RASAL2: variants seen among roughly 807,000 people sequenced by gnomAD.
The protein encoded by RASAL2 is ras GTPase-activating protein nGAP.
RASAL2 carries 58 observed loss-of-function variants against 128.9 expected under a neutral mutation model. The ratio of observed to expected loss-of-function variants is 0.45; its 90% CI spans 0.36 to 0.56. The LOEUF is 0.56. RASAL2 is among the 20% of genes least tolerant of loss of function. The pLI, the probability that RASAL2 is intolerant of heterozygous loss-of-function variation, is 0.00. For missense variants in RASAL2, 1,360 were observed against 1,601.6 expected, an observed-to-expected ratio of 0.85 and a Z score of 2.57; for synonymous variants, 561 against 580.8, an observed-to-expected ratio of 0.97 and a Z score of 0.49.
Position 178,339,459 on chromosome 1 carries a change from G to A in RASAL2, c.457+39341G>A, listed in dbSNP as rs193269944. ...GTTCTCCAAGAAGCTGGAGAAGCACGAGTAAATGCTTCACTATTTAGCCAT... is the reference window on the plus strand; with the variant it reads ...GTTCTCCAAGAAGCTGGAGAAGCACAAGTAAATGCTTCACTATTTAGCCAT... On this transcript the variant is annotated intron_variant, in intron 3 of 17. Transcript: ENST00000367649. Among the ~76,000 whole-genome samples the A allele has an allele frequency of 1.8e-4, 28 of 152,268 alleles. No homozygotes were observed. In the East Asian group the frequency reaches 5.0e-3, roughly 27 times the overall value.
At chr1:178,346,950 C>T (rs1326768172) in intron 3 of RASAL2, among the ~76,000 whole-genome samples, 1 of 151,906 alleles carries the variant, frequency 6.6e-6, no homozygotes, top group African/African-American at 2.4e-5. Flanking sequence ...GTCCCCAGTG[C>T]CTCAGTAGAA....
intron 4 of RASAL2, among the ~76,000 whole-genome samples, chr1:178,420,285 G>T (rs979368292): frequency 3.9e-5 from 6 of 152,034 alleles, no homozygotes; most frequent in Non-Finnish European, 5.9e-5. Context: ...AATAAATTAG[G>T]TGCTACTAGA....
intron 3 of RASAL2, among the ~76,000 whole-genome samples, chr1:178,386,535 C>T (rs1173201162): frequency 6.6e-6 from 1 of 152,152 alleles, no homozygotes; most frequent in African/African-American, 2.4e-5. Flanking sequence ...ATCACATCAT[C>T]TGAGGTCATA....
At chr1:178,202,901 A>C (rs995964512) in intron 1 of RASAL2, among the ~76,000 whole-genome samples, 1 of 152,184 alleles carries the variant, frequency 6.6e-6, no homozygotes, top group Non-Finnish European at 1.5e-5. Context: ...GAGGTTATGC[A>C]TGGGCTCAGC....
chr1:178,103,365 G>C (rs1658975934), intron 1 of RASAL2, among the ~76,000 whole-genome samples: 1 of 152,012 alleles, frequency 6.6e-6, no homozygotes, highest in South Asian at 2.1e-4. Flanking sequence ...AAGCCATTTT[G>C]CTTGTGTATG....
intron 1 of RASAL2, among the ~76,000 whole-genome samples, chr1:178,098,276 A>G (rs886247343): frequency 6.6e-6 from 1 of 152,202 alleles, no homozygotes; most frequent in Non-Finnish European, 1.5e-5. Context: ...CCAGATCTCA[A>G]CCTGACTGAC....
At chr1:178,197,614 A>AGG (rs1662705625) in intron 1 of RASAL2, among the ~76,000 whole-genome samples, 1 of 136,462 alleles carries the variant, frequency 7.3e-6, no homozygotes, top group African/African-American at 3.0e-5. Flanking sequence ...ATCTGGGGAA[A>AGG]AAAAAAAAAA....
chr1:178,393,573 G>A (rs1172368385), intron 4 of RASAL2, among the ~76,000 whole-genome samples: 2 of 152,186 alleles, frequency 1.3e-5, no homozygotes, highest in Non-Finnish European at 2.9e-5. Context: ...CTGCTGTGCC[G>A]CCCAGTTCCT....
chr1:178,176,952 A>G (rs1244332856), intron 1 of RASAL2, among the ~76,000 whole-genome samples: 2 of 152,136 alleles, frequency 1.3e-5, no homozygotes, highest in Non-Finnish European at 2.9e-5. Flanking sequence ...CCTGGCTATC[A>G]GGTGCAATTT....
chr1:178,358,854 A>G (rs1427733745), intron 3 of RASAL2, among the ~76,000 whole-genome samples: 2 of 152,192 alleles, frequency 1.3e-5, no homozygotes, highest in Non-Finnish European at 2.9e-5. Context: ...TGACACCAAT[A>G]GCAAAACTCT....
At chr1:178,248,433 G>T (rs996823187) in intron 1 of RASAL2, among the ~76,000 whole-genome samples, 3 of 151,930 alleles carry the variant, frequency 2.0e-5, no homozygotes, top group African/African-American at 7.2e-5. Context: ...TTGAGCCCAT[G>T]TGTGTCTTTG....
chr1:178,374,767 A>G (rs2102534899), intron 3 of RASAL2, among the ~76,000 whole-genome samples: 1 of 152,268 alleles, frequency 6.6e-6, no homozygotes, highest in Admixed American at 6.5e-5. Flanking sequence ...CTTGGAACAA[A>G]TATTGCCCTT....
intron 1 of RASAL2, among the ~76,000 whole-genome samples, chr1:178,124,888 C>T (rs1286169967): frequency 2.0e-5 from 3 of 152,020 alleles, no homozygotes; most frequent in Admixed American, 1.3e-4. Flanking sequence ...TTTAAAATGC[C>T]GCAGTATTTC....
chr1:178,245,220 G>A (rs912065622), intron 1 of RASAL2, among the ~76,000 whole-genome samples: 9 of 152,174 alleles, frequency 5.9e-5, no homozygotes, highest in South Asian at 2.1e-4. Flanking sequence ...CTATTTCTCC[G>A]CATCCTCGCC....
chr1:178,391,254 A>G (rs530378838), intron 4 of RASAL2, among the ~76,000 whole-genome samples: 1 of 152,284 alleles, frequency 6.6e-6, no homozygotes, highest in East Asian at 1.9e-4. Context: ...TGACATTGAT[A>G]ATAATGATCC....
intron 1 of RASAL2, among the ~76,000 whole-genome samples, chr1:178,223,232 C>T (rs1663671649): frequency 1.3e-5 from 2 of 152,128 alleles, no homozygotes; most frequent in South Asian, 4.1e-4. Flanking sequence ...GTGGGTAAAA[C>T]AGGCATTGAT....
intron 1 of RASAL2, among the ~76,000 whole-genome samples, chr1:178,103,637 TA>T (rs1658985524): frequency 6.6e-6 from 1 of 152,122 alleles, no homozygotes; most frequent in Non-Finnish European, 1.5e-5. Flanking sequence ...AAGAGTCATT[TA>T]AATATAACCT....
intron 1 of RASAL2, among the ~76,000 whole-genome samples, chr1:178,190,419 T>A (rs1662452401): frequency 6.6e-6 from 1 of 152,162 alleles, no homozygotes; most frequent in Admixed American, 6.5e-5. Context: ...TTGTTTGTGG[T>A]TTTACACTTC....
intron 4 of RASAL2, among the ~76,000 whole-genome samples, chr1:178,401,708 A>G (rs887677075): frequency 3.3e-5 from 5 of 152,200 alleles, no homozygotes; most frequent in African/African-American, 4.8e-5. Context: ...AAAAGACAAT[A>G]CAGTCAACAG....
Sources: gnomAD v4.1 joint callset for allele counts (sites outside exome capture counted in the v4.1 genomes callset) on GRCh38, gnomAD v4.1.1 for gene constraint, MANE v1.5 for transcripts, NCBI Gene and HGNC (gene_info 2026-07-23, HGNC 2026-07-21) for gene names.